The following GOLIM4 variants were observed in gnomAD, a reference collection of about 807,000 sequenced individuals.
GOLIM4 encodes golgi integral membrane protein 4.
A neutral mutation model predicts 107.4 loss-of-function variants in GOLIM4; 71 were observed. The ratio of observed to expected loss-of-function variants is 0.66; its 90% CI spans 0.55 to 0.81. The LOEUF is 0.81. Among genes scored for constraint, GOLIM4 ranks in the 30% least tolerant of loss-of-function variants. The pLI, the probability that GOLIM4 is intolerant of heterozygous loss-of-function variation, is 0.00. For missense variants in GOLIM4, 830 were observed against 826.1 expected, an observed-to-expected ratio of 1.00 and a Z score of -0.06; for synonymous variants, 327 against 294.8, an observed-to-expected ratio of 1.11 and a Z score of -1.12.
chr3:168,058,192 T>A (rs1282272277), intron 1 of GOLIM4, among the ~76,000 whole-genome samples: 1 of 152,218 alleles, frequency 6.6e-6, no homozygotes, highest in African/African-American at 2.4e-5. Flanking sequence ...CACACAAGTG[T>A]CCATTTTTAA....
At chr3:168,075,286 GTT>G (rs374374393) in intron 1 of GOLIM4, among the ~76,000 whole-genome samples, 7 of 94,226 alleles carry the variant, frequency 7.4e-5, no homozygotes, top group African/African-American at 3.0e-4. Context: ...ACATTCACTA[GTT>G]TTTTTTTTTT....
At chr3:168,015,049 G>T (rs62273287) in intron 14 of GOLIM4, among the ~76,000 whole-genome samples, 40,279 of 150,086 alleles carry the variant, frequency 0.27, 6,919 homozygotes, top group Non-Finnish European at 0.38. Context: ...GGGCAATTAG[G>T]CAGGAGAAGG....
At position 168,095,146 on chromosome 3, in the gene GOLIM4, G is replaced by A. The variant is rs1722110962; in HGVS notation, c.140C>T (p.Ala47Val). 1 of 1,610,532 alleles carries A rather than the reference G, an allele frequency of 6.2e-7. No individual in the cohort carries two copies. The highest frequency in any genetic ancestry group is 8.5e-7 in the Non-Finnish European group (1 of 1,177,580). ...CTCCTGGTGCTGCTGGTACTTGAGCGCCACCGCCTCGGCTTTCCGCAGCTG... is the reference window on the plus strand; with the variant it reads ...CTCCTGGTGCTGCTGGTACTTGAGCACCACCGCCTCGGCTTTCCGCAGCTG... ...QTQLRKAEAV[A>V]LKYQQHQESL... Residue 47 changes from alanine (A) to valine (V), a missense_variant, in exon 1 of 16, where the codon GCG becomes GTG. Transcript: ENST00000470487.
intron 8 of GOLIM4, among the ~76,000 whole-genome samples, chr3:168,035,605 A>T (rs1188332804): frequency 6.6e-6 from 1 of 152,304 alleles, no homozygotes; most frequent in South Asian, 2.1e-4. Context: ...GATGAGACAC[A>T]TAAGCACATA....
At chr3:168,014,856 C>G (rs2108208663) in intron 14 of GOLIM4, among the ~76,000 whole-genome samples, 1 of 150,364 alleles carries the variant, frequency 6.7e-6, no homozygotes, top group East Asian at 2.0e-4. Flanking sequence ...ATACTAAAAA[C>G]TCTCAATAAA....
intron 1 of GOLIM4, among the ~76,000 whole-genome samples, chr3:168,050,850 AT>A (rs1271189105): frequency 3.4e-5 from 5 of 148,120 alleles, no homozygotes; most frequent in African/African-American, 1.2e-4. Flanking sequence ...AATAATAATA[AT>A]AATAATAATA....
chr3:168,056,485 A>T (rs1156752063), intron 1 of GOLIM4, among the ~76,000 whole-genome samples: 1 of 152,184 alleles, frequency 6.6e-6, no homozygotes, highest in Non-Finnish European at 1.5e-5. Context: ...CAGATCCACT[A>T]ACAGCTTGCA....
chr3:168,022,914 G>A (rs577968394), intron 14 of GOLIM4, among the ~76,000 whole-genome samples: 42 of 152,296 alleles, frequency 2.8e-4, no homozygotes, highest in South Asian at 8.3e-4. Flanking sequence ...CTGGTGGGAT[G>A]AGGAGCAGTT....
rs867336695 is a variant in GOLIM4, at chr3:168,025,721, G to C, written c.1624-626C>G. ...AGAGATGCTGAACTGGCGAGGGATG[G>C]GAGTTAAAAAGGGCTGAGCTACCCA... On this transcript the variant is annotated intron_variant, in intron 12 of 15. Transcript: ENST00000470487. Among the ~76,000 whole-genome samples, 33 of 152,282 alleles carry C rather than the reference G, an allele frequency of 2.2e-4. No individual in the cohort carries two copies. In the South Asian group the frequency reaches 4.8e-3, roughly 22 times the overall value.
At position 168,010,019 on chromosome 3, in the gene GOLIM4, C is replaced by T. The variant is rs896626507; in HGVS notation, c.*250G>A. The T allele has an allele frequency of 2.2e-5, 7 of 317,672 alleles. No individual in the cohort carries two copies. Among genetic ancestry groups the T allele is most frequent in the African/African-American group, 8.6e-5 (4 of 46,656 alleles). The allele number at this position is 317,672 out of a possible 1,614,324, so 19.7% of individuals were successfully genotyped here. On this transcript the variant is annotated 3_prime_UTR_variant, in exon 16 of 16. Transcript: ENST00000470487. Reference sequence around the variant, plus strand: ...ACATAATCTATTAAAAAAATTGGGACGTGGGGGCTCAGGTTTACTTTATTG... The same window carrying T: ...ACATAATCTATTAAAAAAATTGGGATGTGGGGGCTCAGGTTTACTTTATTG...
chr3:168,021,099 A>G (rs1220244857), intron 14 of GOLIM4, among the ~76,000 whole-genome samples: 4 of 152,230 alleles, frequency 2.6e-5, no homozygotes, highest in African/African-American at 9.6e-5. Context: ...CTGATGACAC[A>G]AAGTTTAATA....
intron 1 of GOLIM4, among the ~76,000 whole-genome samples, chr3:168,066,230 T>G (rs1720538273): frequency 6.6e-6 from 1 of 152,064 alleles, no homozygotes; most frequent in Non-Finnish European, 1.5e-5. Context: ...TTTTGACAGC[T>G]GCAAGTAATT....
chr3:168,030,778 T>C (rs1245119099), intron 9 of GOLIM4, among the ~76,000 whole-genome samples: 2 of 152,112 alleles, frequency 1.3e-5, no homozygotes, highest in Non-Finnish European at 2.9e-5. Context: ...TAAATTAGTA[T>C]AGCCAATATG....
intron 9 of GOLIM4, among the ~76,000 whole-genome samples, chr3:168,031,436 A>G (rs1345537412): frequency 6.6e-6 from 1 of 152,196 alleles, no homozygotes; most frequent in African/African-American, 2.4e-5. Flanking sequence ...TGAATGTTTC[A>G]AAATATCGCC....
At position 168,038,348 on chromosome 3, in the gene GOLIM4, T is replaced by C. The variant is rs1359420251; in HGVS notation, c.685-1354A>G. The stretch of plus-strand genomic sequence containing the variant: ...GACACATAATCTTTGAAGGCAGTAA[T>C]TGTGTGTTGCACAATTAGGGACCAT... On this transcript the variant is annotated intron_variant, in intron 7 of 15. Transcript: ENST00000470487. Among the ~76,000 whole-genome samples, 5 of 152,216 alleles carry C rather than the reference T, an allele frequency of 3.3e-5. No homozygotes were observed. The East Asian group carries it at 9.6e-4, about 29-fold the overall frequency.
chr3:168,089,912 C>T (rs950245203), intron 1 of GOLIM4, among the ~76,000 whole-genome samples: 1 of 151,906 alleles, frequency 6.6e-6, no homozygotes, highest in Admixed American at 6.6e-5. Context: ...GGATTATAAG[C>T]ATGTGCCACC....
chr3:168,038,183 C>A (rs1718769838), intron 7 of GOLIM4, among the ~76,000 whole-genome samples: 1 of 152,120 alleles, frequency 6.6e-6, no homozygotes, highest in South Asian at 2.1e-4. Context: ...CTAGCAATGG[C>A]CTTTATCTGA....
intron 1 of GOLIM4, among the ~76,000 whole-genome samples, chr3:168,051,884 G>A (rs1426522962): frequency 6.6e-6 from 1 of 152,114 alleles, no homozygotes. Context: ...AAGAATAAAG[G>A]AAAACAAACT....
intron 1 of GOLIM4, among the ~76,000 whole-genome samples, chr3:168,065,795 A>G (rs1475912693): frequency 6.6e-6 from 1 of 152,242 alleles, no homozygotes; most frequent in East Asian, 1.9e-4. Context: ...ATGTTTCTGT[A>G]AACAACATGT....
Sources: gnomAD v4.1 joint callset for allele counts (sites outside exome capture counted in the v4.1 genomes callset) on GRCh38, gnomAD v4.1.1 for gene constraint, MANE v1.5 for transcripts, NCBI Gene and HGNC (gene_info 2026-07-23, HGNC 2026-07-21) for gene names.